Variants in MCF2 observed in about 807,000 individuals in gnomAD.
MCF2 encodes MCF.2 cell line derived transforming sequence.
In MCF2, 44 loss-of-function variants were observed where a neutral mutation model predicts 82.5. The ratio of observed to expected loss-of-function variants is 0.53; its 90% CI spans 0.42 to 0.69. The LOEUF (loss-of-function observed/expected upper bound fraction) is 0.69, where lower values mean the gene tolerates loss of function less well. MCF2 is among the 30% of genes least tolerant of loss of function. The probability of loss-of-function intolerance (pLI) is 0.00; values close to 1 mark genes in which losing one functional copy is unlikely to be tolerated. For missense variants in MCF2, 623 were observed against 663.1 expected, an observed-to-expected ratio of 0.94 and a Z score of 0.66; for synonymous variants, 217 against 224.9, an observed-to-expected ratio of 0.96 and a Z score of 0.32.
chrX:139,670,461 C>G (rs775069147), intron 1 of MCF2, among the ~76,000 whole-genome samples: 43 of 110,846 alleles, frequency 3.9e-4, no homozygotes, highest in African/African-American at 1.2e-3. Context: ...ATCCCTCCCC[C>G]CTCCACCCAC....
chrX:139,612,569 A>G (rs1046410441), intron 10 of MCF2, among the ~76,000 whole-genome samples: 1 of 111,010 alleles, frequency 9.0e-6, no homozygotes, highest in Admixed American at 9.6e-5. Flanking sequence ...AAAACCAAAG[A>G]ACAAAAAAAC....
At chrX:139,698,730 T>G (rs1038576664) in intron 1 of MCF2, among the ~76,000 whole-genome samples, 6 of 111,935 alleles carry the variant, frequency 5.4e-5, no homozygotes, top group Non-Finnish European at 1.1e-4. Flanking sequence ...CGATGACCAA[T>G]AAGAAATGTA....
intron 1 of MCF2, among the ~76,000 whole-genome samples, chrX:139,665,633 G>A (rs746861594): frequency 1.1e-4 from 12 of 109,618 alleles, no homozygotes; most frequent in Non-Finnish European, 2.1e-4. Flanking sequence ...GTTTCAACCT[G>A]GTATTATGAA....
chrX:139,594,223 T>C (rs1291444339), intron 19 of MCF2, among the ~76,000 whole-genome samples: 1 of 109,479 alleles, frequency 9.1e-6, no homozygotes, highest in African/African-American at 3.3e-5. Flanking sequence ...TGGAAAAAAC[T>C]ACTTTAAAGT....
At chrX:139,651,729 A>C in exon 2 of MCF2, 1 of 1,157,280 alleles carries the variant, frequency 8.6e-7, no homozygotes, top group Non-Finnish European at 1.2e-6. Context: ...CCAGACAAGA[A>C]GGCGATGTCT....
rs747841911 is a variant in MCF2 at position 139,604,984 on chromosome X, C to A, written c.1558G>T (p.Gly520Cys). 3.8e-6 allele frequency: 4 copies of A among 1,059,381 alleles called. No individual in the cohort carries two copies. Among genetic ancestry groups the A allele is most frequent in the Non-Finnish European group, 5.1e-6 (4 of 781,143 alleles). 87.3% of individuals were successfully genotyped at this position (1,059,381 alleles called of 1,213,427 possible). ...GGATTATCCATCTCCGCTCTATAAC[C>A]CTACCCAAAATAAATACATTCATGC... The change falls in exon 14 of 25, where the codon GGT becomes TGT. Residue 520 changes from glycine (G) to cysteine (C), a missense_variant and splice_region_variant. Physicochemically the swap from Gly to Cys is radical, Grantham distance 159. Coordinates refer to ENST00000370576, the Ensembl canonical transcript of MCF2.
At chrX:139,616,241 A>T in intron 9 of MCF2, 41 bp downstream of exon 12, 1 of 864,905 alleles carries the variant, frequency 1.2e-6, no homozygotes. Context: ...TGCAATTATA[A>T]TTTTCTTTAA....
chrX:139,618,584 A>C (rs1254098812), intron 7 of MCF2, among the ~76,000 whole-genome samples: 1 of 111,413 alleles, frequency 9.0e-6, no homozygotes, highest in Non-Finnish European at 1.9e-5. Flanking sequence ...ACTATACCAT[A>C]GGGCTATGTA....
At chrX:139,696,348 TCTCCTCTCCTCTC>T (rs1935383419) in intron 1 of MCF2, among the ~76,000 whole-genome samples, 2 of 99,050 alleles carry the variant, frequency 2.0e-5, no homozygotes, top group African/African-American at 7.6e-5. Context: ...TCTTCTCTCC[TCTCCTCTCCTCTC>T]CTCTCCTCTC....
intron 6 of MCF2, among the ~76,000 whole-genome samples, chrX:139,622,935 T>G (rs1445368486): frequency 9.0e-6 from 1 of 110,593 alleles, no homozygotes; most frequent in Non-Finnish European, 1.9e-5. Context: ...GCAGAGGACA[T>G]GAACAGATAC....
At chrX:139,607,052 T>C (rs765927320) in intron 12 of MCF2, 2 of 111,419 alleles carry the variant, frequency 1.8e-5, no homozygotes, top group East Asian at 5.6e-4. Flanking sequence ...AATAACATTG[T>C]ATCAATCTGT....
chrX:139,606,381 G>A (rs192895588), intron 12 of MCF2, among the ~76,000 whole-genome samples: 175 of 109,898 alleles, frequency 1.6e-3, no homozygotes, highest in East Asian at 4.9e-3. Flanking sequence ...TTTTTGAGAC[G>A]GAATCTCACT....
chrX:139,656,046 T>TG (rs1045503102), intron 1 of MCF2, among the ~76,000 whole-genome samples: 6 of 112,096 alleles, frequency 5.4e-5, no homozygotes, highest in African/African-American at 1.9e-4. Flanking sequence ...TGCTGTTTTT[T>TG]TTTGTTTGTT....
upstream of MCF2, chrX:139,645,572 AT>A: frequency 8.5e-7 from 1 of 1,174,285 alleles, no homozygotes. Flanking sequence ...ACTTACCGAG[AT>A]TTTTTGGAGA....
intron 17 of MCF2, 42 bp from the exon 22 acceptor site, chrX:139,597,627 T>TA: frequency 9.4e-7 from 1 of 1,060,505 alleles, no homozygotes; most frequent in African/African-American, 1.9e-5. Flanking sequence ...CAGATATTAA[T>TA]ATCTGGTTGA....
At chrX:139,682,681 G>A (rs751482269) in intron 1 of MCF2, among the ~76,000 whole-genome samples, 6 of 111,723 alleles carry the variant, frequency 5.4e-5, no homozygotes, top group Admixed American at 3.8e-4. Context: ...AGCCTTTGCC[G>A]ATTCGTGGCA....
chrX:139,687,065 C>T (rs1384101544), intron 1 of MCF2, among the ~76,000 whole-genome samples: 1 of 109,112 alleles, frequency 9.2e-6, no homozygotes, highest in African/African-American at 3.3e-5. Flanking sequence ...CACACACATA[C>T]ACACACACAC....
chrX:139,593,826 C>A (rs1283751499), intron 19 of MCF2, among the ~76,000 whole-genome samples: 1 of 110,749 alleles, frequency 9.0e-6, no homozygotes, highest in African/African-American at 3.3e-5. Flanking sequence ...CTAGAAAACC[C>A]CATTGTCTCA....
intron 2 of MCF2, among the ~76,000 whole-genome samples, chrX:139,650,392 T>C (rs183054510): frequency 1.8e-5 from 2 of 111,465 alleles, no homozygotes; most frequent in Non-Finnish European, 3.8e-5. Flanking sequence ...AGAGGCCAGA[T>C]TGAAGTGTCT....
Sources: allele counts gnomAD v4.1 joint callset (sites outside exome capture counted in the v4.1 genomes callset), GRCh38; gene constraint gnomAD v4.1.1; transcripts MANE v1.5; gene names NCBI Gene and HGNC (gene_info 2026-07-23, HGNC 2026-07-21).